The following R3HDM1 variants were observed in gnomAD, a reference collection of about 807,000 sequenced individuals.
The protein encoded by R3HDM1 is R3H domain containing 1.
In R3HDM1, 46 loss-of-function variants were observed where a neutral mutation model predicts 141.1. The ratio of observed to expected loss-of-function variants is 0.33; its 90% CI spans 0.26 to 0.42. The LOEUF (loss-of-function observed/expected upper bound fraction) is 0.42. Ranked by LOEUF, R3HDM1 falls within the 10% of genes least tolerant of loss-of-function variation. The pLI is 1.00. For synonymous variants in R3HDM1, 435 were observed against 472.9 expected (o/e 0.92, Z 1.04); for missense variants, 1,184 against 1,368.3 (o/e 0.87, Z 2.12).
At chr2:135,568,493 T>A (rs962693581) in intron 1 of R3HDM1, among the ~76,000 whole-genome samples, 1 of 151,844 alleles carries the variant, frequency 6.6e-6, no homozygotes, top group African/African-American at 2.4e-5. Flanking sequence ...GGGATTACAG[T>A]GTCCGTCACT....
At chr2:135,626,650 C>A (rs1029694198) in intron 7 of R3HDM1, among the ~76,000 whole-genome samples, 1 of 152,172 alleles carries the variant, frequency 6.6e-6, no homozygotes, top group Non-Finnish European at 1.5e-5. Context: ...TCTATAGATG[C>A]AAACGTTTTT....
At chr2:135,556,719 C>T (rs1049765834) in intron 1 of R3HDM1, among the ~76,000 whole-genome samples, 3 of 151,958 alleles carry the variant, frequency 2.0e-5, no homozygotes, top group Non-Finnish European at 2.9e-5. Context: ...AGGGTTTCAC[C>T]GTGTTAGCCA....
chr2:135,723,117 T>A (rs114882109), intron 26 of R3HDM1, among the ~76,000 whole-genome samples: 2,553 of 152,144 alleles, frequency 0.017, 55 homozygotes, highest in Admixed American at 0.05. Context: ...ATTTTATTTT[T>A]TTTATTTATT....
chr2:135,590,836 T>G (rs1045082788), intron 1 of R3HDM1: 3 of 637,746 alleles, frequency 4.7e-6, no homozygotes, highest in African/African-American at 4.0e-5. Context: ...CCTCAAGCTG[T>G]TTTTAAGCTA....
rs201494950 is a variant in R3HDM1 at position 135,715,583 on chromosome 2, C to T, written c.2770C>T (p.Pro924Ser). ...SPQLSSPIIS[P>S]AQSPAPAQLS... ...TCAACTCAGTAGCCCCATTATTTCA[C>T]CAGCTCAGTCGCCAGCACCAGCTCA... is the stretch of plus-strand genomic sequence containing the variant. The change falls in exon 24 of 27, where the codon CCA becomes TCA. Residue 924 changes from proline to serine, a missense_variant. Around this residue, in one of 5 missense-constraint regions of R3HDM1, gnomAD observed 563 missense variants for 562.0 expected, o/e 1.00. Coordinates refer to ENST00000683871, the MANE Select transcript of R3HDM1 (RefSeq NM_001378107.1). 28 of 1,613,986 alleles carry T rather than the reference C, an allele frequency of 1.7e-5. No homozygotes were observed. Among genetic ancestry groups the T allele is most frequent in the Non-Finnish European group, 2.4e-5 (28 of 1,179,966 alleles).
chr2:135,719,882 G>A (rs575972088), intron 24 of R3HDM1, among the ~76,000 whole-genome samples: 1 of 150,462 alleles, frequency 6.6e-6, no homozygotes, highest in Non-Finnish European at 1.5e-5. Context: ...GTCTCGCCCT[G>A]TTGCCCAGGC....
chr2:135,590,719 C>G (rs1709062850), intron 1 of R3HDM1: 1 of 985,236 alleles, frequency 1.0e-6, no homozygotes, highest in Admixed American at 6.1e-5. Flanking sequence ...TCACCCATGC[C>G]CAGCAGCAGC....
intron 1 of R3HDM1, among the ~76,000 whole-genome samples, chr2:135,592,076 T>G (rs1411333823): frequency 6.6e-6 from 1 of 152,220 alleles, no homozygotes; most frequent in Non-Finnish European, 1.5e-5. Context: ...CCTCACTTCC[T>G]TCCTTGGAAG....
chr2:135,684,381 T>A (rs547201275), intron 21 of R3HDM1, among the ~76,000 whole-genome samples: 55 of 152,002 alleles, frequency 3.6e-4, no homozygotes, highest in African/African-American at 1.3e-3. Context: ...GAGCCACCGC[T>A]CCCAGCCGAA....
intron 19 of R3HDM1, chr2:135,667,852 A>G (rs1435395512): frequency 3.8e-6 from 3 of 781,152 alleles, no homozygotes; most frequent in Non-Finnish European, 4.7e-6. Context: ...TTTTGTCTGA[A>G]TAATTAGACA....
At chr2:135,598,388 T>C (rs1171830525) in intron 1 of R3HDM1, among the ~76,000 whole-genome samples, 1 of 152,200 alleles carries the variant, frequency 6.6e-6, no homozygotes, top group Non-Finnish European at 1.5e-5. Context: ...ACATAGCTCC[T>C]CTTCATGTGA....
At chr2:135,676,555 A>G (rs953302334) in intron 20 of R3HDM1, among the ~76,000 whole-genome samples, 1 of 152,144 alleles carries the variant, frequency 6.6e-6, no homozygotes, top group African/African-American at 2.4e-5. Flanking sequence ...TCGTGCCTGT[A>G]ATCCTAACAC....
At chr2:135,707,433 A>G (rs1048766776) in intron 21 of R3HDM1, among the ~76,000 whole-genome samples, 4 of 152,208 alleles carry the variant, frequency 2.6e-5, no homozygotes, top group African/African-American at 9.6e-5. Context: ...GAACTCATTT[A>G]CATAATTCTA....
intron 23 of R3HDM1, among the ~76,000 whole-genome samples, chr2:135,711,553 C>T (rs946740597): frequency 3.3e-5 from 5 of 151,876 alleles, no homozygotes; most frequent in Middle Eastern, 3.4e-3. Flanking sequence ...GTCCCAGCCA[C>T]TCAGGAGGCT....
chr2:135,548,518 T>G (rs1421390753), intron 1 of R3HDM1, among the ~76,000 whole-genome samples: 1 of 152,184 alleles, frequency 6.6e-6, no homozygotes, highest in Non-Finnish European at 1.5e-5. Flanking sequence ...CATACATCCA[T>G]TGAGATATAG....
At chr2:135,648,088 T>C (rs1333518687) in intron 16 of R3HDM1, among the ~76,000 whole-genome samples, 1 of 152,172 alleles carries the variant, frequency 6.6e-6, no homozygotes, top group Non-Finnish European at 1.5e-5. Context: ...ACACATCAAG[T>C]AGCTTGTTCT....
At chr2:135,663,984 A>G (rs558879072) in intron 19 of R3HDM1, among the ~76,000 whole-genome samples, 1 of 149,898 alleles carries the variant, frequency 6.7e-6, no homozygotes, top group African/African-American at 2.5e-5. Context: ...CAGTGAGCTG[A>G]GATGGCGCCA....
chr2:135,558,167 C>T (rs909036468), intron 1 of R3HDM1, among the ~76,000 whole-genome samples: 1 of 152,170 alleles, frequency 6.6e-6, no homozygotes, highest in African/African-American at 2.4e-5. Flanking sequence ...ACATTGGTAC[C>T]ATCCAATAGA....
intron 15 of R3HDM1, among the ~76,000 whole-genome samples, chr2:135,642,264 A>G (rs956992295): frequency 6.6e-6 from 1 of 152,148 alleles, no homozygotes; most frequent in African/African-American, 2.4e-5. Flanking sequence ...TCTACTGAGG[A>G]AAAGGTAAAG....
Sources: gnomAD v4.1 joint callset for allele counts (sites outside exome capture counted in the v4.1 genomes callset) on GRCh38, gnomAD v4.1.1 for gene constraint, gnomAD v4.1.1 regional missense constraint, MANE v1.5 for transcripts, NCBI Gene and HGNC (gene_info 2026-07-23, HGNC 2026-07-21) for gene names.